DMRT1: variants seen among roughly 807,000 people sequenced by gnomAD.
The protein encoded by DMRT1 is doublesex and mab-3 related transcription factor 1.
A neutral mutation model predicts 32.3 loss-of-function variants in DMRT1; 7 were observed. The observed-to-expected ratio is 0.22, with a 90% CI of 0.12 to 0.41. DMRT1 has a LOEUF of 0.41. DMRT1 is among the 10% of genes least tolerant of loss of function. DMRT1 has a pLI of 1.00. For synonymous variants in DMRT1, 278 were observed against 206.1 expected (o/e 1.35, Z -2.99); for missense variants, 625 against 500.5 (o/e 1.25, Z -2.37).
At chr9:961,350 T>C in intron 4 of DMRT1, among the ~76,000 whole-genome samples, 1 of 152,198 alleles carries the variant, frequency 6.6e-6, no homozygotes, top group East Asian at 1.9e-4. Flanking sequence ...CCCGTACTTA[T>C]TTGGAGACAT....
chr9:900,324 C>T (rs1400895910), intron 3 of DMRT1, among the ~76,000 whole-genome samples: 1 of 152,350 alleles, frequency 6.6e-6, no homozygotes, highest in South Asian at 2.1e-4. Flanking sequence ...CTTTTCACTG[C>T]TTGTCCGCCG....
rs137970685 is a variant in DMRT1 at position 868,715 on chromosome 9, A to T, written c.538+21572A>T. 3.1e-3 allele frequency among the ~76,000 whole-genome samples: 477 copies of T among 152,352 alleles called. 2 individuals carry two copies. Among genetic ancestry groups the T allele is most frequent in the African/African-American group, 0.01 (428 of 41,592 alleles). On this transcript the variant is annotated intron_variant, in intron 2 of 4. Transcript: ENST00000382276. ...TACTTAAATGAAAAATGTTAAGTTTAAAAGTTAGCATCGGCTGGGCACGTT... is the reference window on the plus strand; with the variant it reads ...TACTTAAATGAAAAATGTTAAGTTTTAAAGTTAGCATCGGCTGGGCACGTT...
chr9:844,387 T>C (rs989999288), intron 1 of DMRT1, among the ~76,000 whole-genome samples: 1 of 143,530 alleles, frequency 7.0e-6, no homozygotes, highest in Admixed American at 6.7e-5. Flanking sequence ...TATAATATTT[T>C]CTAAGAAACC....
intron 2 of DMRT1, among the ~76,000 whole-genome samples, chr9:884,731 G>A (rs1816858628): frequency 6.6e-6 from 1 of 152,182 alleles, no homozygotes; most frequent in East Asian, 1.9e-4. Flanking sequence ...AGCACTTTGG[G>A]AGGCCGAGGC....
At chr9:949,505 G>C (rs988323088) in intron 4 of DMRT1, among the ~76,000 whole-genome samples, 1 of 152,182 alleles carries the variant, frequency 6.6e-6, no homozygotes, top group African/African-American at 2.4e-5. Context: ...ACCACAATCT[G>C]TGCCACAAAC....
Position 841,738 on chromosome 9 carries a change from G to A in DMRT1, c.-101G>A, listed in dbSNP as rs1245936943. On this transcript the variant is annotated 5_prime_UTR_variant, in exon 1 of 5. Coordinates refer to ENST00000382276, the MANE Select transcript of DMRT1 (RefSeq NM_021951.3). Reference sequence around the variant, plus strand: ...CGGCTGCAGCGCACACGTCTCCTGCGCCTCCTCCTCCGGAGCGTCGCTGTC... The same window carrying A: ...CGGCTGCAGCGCACACGTCTCCTGCACCTCCTCCTCCGGAGCGTCGCTGTC... The A allele has an allele frequency of 4.5e-6, 7 of 1,546,188 alleles. No homozygotes were observed. Among genetic ancestry groups the A allele is most frequent in the Non-Finnish European group, 6.1e-6 (7 of 1,146,698 alleles).
rs901021409 is a variant in DMRT1 at position 965,013 on chromosome 9, T to G, written c.968-2972T>G. ...GAGCGAAAAGCATCATTTAGATTTTTGAATTTTTAATTGGTATGAAATAAT... is the reference window on the plus strand; with the variant it reads ...GAGCGAAAAGCATCATTTAGATTTTGGAATTTTTAATTGGTATGAAATAAT... On this transcript the variant is annotated intron_variant, in intron 4 of 4. Coordinates refer to ENST00000382276, the MANE Select transcript of DMRT1 (RefSeq NM_021951.3). This position sits in a 1 kb window ranked among gnomAD's most constrained non-coding sequence, Gnocchi z 4.5. Among the ~76,000 whole-genome samples the G allele has an allele frequency of 3.9e-5, 6 of 152,232 alleles. No individual in the cohort carries two copies. The highest frequency in any genetic ancestry group is 7.3e-5 in the Non-Finnish European group (5 of 68,044).
chr9:903,114 C>G (rs1221508060), intron 3 of DMRT1, among the ~76,000 whole-genome samples: 1 of 152,200 alleles, frequency 6.6e-6, no homozygotes, highest in Admixed American at 6.5e-5. Flanking sequence ...ATGTTTTCTT[C>G]TGCAACATAA....
chr9:940,238 G>A (rs1316052220), intron 4 of DMRT1, among the ~76,000 whole-genome samples: 1 of 152,050 alleles, frequency 6.6e-6, no homozygotes, highest in African/African-American at 2.4e-5. Flanking sequence ...CTGAAAGCAG[G>A]TACTCACACA....
Position 944,944 on chromosome 9 carries a change from C to T in DMRT1, c.968-23041C>T, listed in dbSNP as rs12342990. ...AAATCTAGTTGCCTAAAATTAATGT[C>T]CCCCAAACAACCGACTTAATCTGGG... On this transcript the variant is annotated intron_variant, in intron 4 of 4. Coordinates refer to ENST00000382276, the MANE Select transcript of DMRT1 (RefSeq NM_021951.3). Among the ~76,000 whole-genome samples, 741 of 151,916 alleles carry T rather than the reference C, an allele frequency of 4.9e-3. 4 individuals carry two copies. The highest frequency in any genetic ancestry group is 0.02 in the Middle Eastern group (6 of 294).
intron 2 of DMRT1, among the ~76,000 whole-genome samples, chr9:862,393 C>T (rs1340284578): frequency 1.3e-5 from 2 of 151,690 alleles, no homozygotes; most frequent in South Asian, 2.1e-4. Flanking sequence ...CCCAGGCACG[C>T]GGCAGGCTGA....
At chr9:900,062 T>C (rs550711821) in intron 3 of DMRT1, among the ~76,000 whole-genome samples, 39 of 152,364 alleles carry the variant, frequency 2.6e-4, no homozygotes, top group African/African-American at 9.4e-4. Flanking sequence ...CACCATGTGC[T>C]GGGGATCTAC....
At chr9:887,870 T>A (rs1229745408) in intron 2 of DMRT1, among the ~76,000 whole-genome samples, 1 of 152,218 alleles carries the variant, frequency 6.6e-6, no homozygotes, top group Non-Finnish European at 1.5e-5. Flanking sequence ...AAATGTAATG[T>A]TTAAAGTATG....
At chr9:942,720 G>A (rs79099471) in intron 4 of DMRT1, among the ~76,000 whole-genome samples, 9 of 152,020 alleles carry the variant, frequency 5.9e-5, no homozygotes, top group Non-Finnish European at 1.0e-4. Flanking sequence ...ATTTTCCAGA[G>A]GTTCGTTGGT....
At chr9:959,709 G>A (rs767777150) in intron 4 of DMRT1, among the ~76,000 whole-genome samples, 1 of 119,964 alleles carries the variant, frequency 8.3e-6, no homozygotes, top group African/African-American at 3.1e-5. Context: ...TGTATTTCCA[G>A]TAGAGATGGG....
chr9:888,209 C>T (rs769813275), intron 2 of DMRT1, among the ~76,000 whole-genome samples: 1 of 152,122 alleles, frequency 6.6e-6, no homozygotes, highest in East Asian at 1.9e-4. Flanking sequence ...AACTCACAAC[C>T]ATTTGGCAGC....
chr9:897,578 C>A (rs1453260939), intron 3 of DMRT1, among the ~76,000 whole-genome samples: 1 of 148,246 alleles, frequency 6.7e-6, no homozygotes, highest in Non-Finnish European at 1.5e-5. Flanking sequence ...GGTAACAGAG[C>A]AAGACACTGT....
chr9:863,181 G>T (rs1039890916), intron 2 of DMRT1, among the ~76,000 whole-genome samples: 4 of 151,256 alleles, frequency 2.6e-5, no homozygotes, highest in Admixed American at 6.6e-5. Context: ...AGCCAGGTGT[G>T]GGGGTGGCTG....
intron 3 of DMRT1, among the ~76,000 whole-genome samples, chr9:904,942 CAAAAA>C (rs71327357): frequency 7.4e-6 from 1 of 135,376 alleles, no homozygotes; most frequent in African/African-American, 2.8e-5. Context: ...AACTCCGTCT[CAAAAA>C]AAAAAAAAAA....
Sources: gnomAD v4.1 joint callset for allele counts (sites outside exome capture counted in the v4.1 genomes callset) on GRCh38, gnomAD v4.1.1 for gene constraint, Gnocchi (gnomAD v3.1) non-coding constraint, MANE v1.5 for transcripts, NCBI Gene and HGNC (gene_info 2026-07-23, HGNC 2026-07-21) for gene names.